SLC6A3: variants seen among roughly 807,000 people sequenced by gnomAD.
SLC6A3 encodes the protein solute carrier family 6 member 3.
Under a neutral mutation model 70.4 loss-of-function variants are expected in SLC6A3, and 19 were observed. That is an observed-to-expected ratio of 0.27 (90% CI 0.19 to 0.40). The LOEUF (loss-of-function observed/expected upper bound fraction) is 0.40. Among genes scored for constraint, SLC6A3 ranks in the 10% least tolerant of loss-of-function variants. SLC6A3 has a pLI of 1.00. For missense variants in SLC6A3, 613 were observed against 838.5 expected (o/e 0.73, Z 3.32); for synonymous variants, 368 against 356.6 (o/e 1.03, Z -0.36).
At chr5:1,433,462 C>T (rs1004893876) in intron 3 of SLC6A3, among the ~76,000 whole-genome samples, 9 of 152,160 alleles carry the variant, frequency 5.9e-5, no homozygotes, top group African/African-American at 1.2e-4. Context: ...CACTTTGAGT[C>T]GCAAAGGGCC....
In SLC6A3 at chr5:1,413,968, GC is replaced by G. The variant is rs376736088; in HGVS notation, c.1156+722del. The stretch of plus-strand genomic sequence containing the variant: ...AGGCCTCCCCCCACCACTCACCTGT[GC>G]CTGCCCGAGACCTGGACCCCTCCCC... On this transcript the variant is annotated intron_variant, in intron 8 of 14. Transcript: ENST00000270349. The surrounding 1 kb of genome is among the most constrained non-coding windows in gnomAD (Gnocchi z 7.1). 1.7e-3 allele frequency among the ~76,000 whole-genome samples: 262 copies of G among 152,256 alleles called. 12 individuals carry two copies. The South Asian group carries it at 0.052, about 30-fold the overall frequency.
At chr5:1,423,871 C>T (rs374315175) in intron 4 of SLC6A3, among the ~76,000 whole-genome samples, 124 of 152,358 alleles carry the variant, frequency 8.1e-4, no homozygotes, top group Middle Eastern at 3.4e-3. Context: ...GGAGCTCCCA[C>T]TGCCCAGGTT....
chr5:1,418,900 A>C (rs571394184), intron 6 of SLC6A3, among the ~76,000 whole-genome samples: 1 of 148,118 alleles, frequency 6.8e-6, no homozygotes, highest in African/African-American at 2.5e-5. Flanking sequence ...CCTACCTATC[A>C]TTCATCCACC....
intron 3 of SLC6A3, among the ~76,000 whole-genome samples, chr5:1,434,773 G>A (rs921499401): frequency 6.6e-6 from 1 of 152,204 alleles, no homozygotes; most frequent in Admixed American, 6.5e-5. Flanking sequence ...TTTGCAGGGG[G>A]TGGCCTGGGT....
At chr5:1,409,460 G>T (rs1448738119) in intron 10 of SLC6A3, among the ~76,000 whole-genome samples, 1 of 152,086 alleles carries the variant, frequency 6.6e-6, no homozygotes, top group Non-Finnish European at 1.5e-5. Flanking sequence ...GCGTCCCCCA[G>T]TCCCCAAACC....
At chr5:1,412,177 G>C (rs190471243) in intron 8 of SLC6A3, among the ~76,000 whole-genome samples, 20 of 152,380 alleles carry the variant, frequency 1.3e-4, no homozygotes, top group Admixed American at 1.2e-3. Context: ...GAGGTTAGAC[G>C]TGGCTGCACT....
In SLC6A3 at chr5:1,409,118, A is replaced by T; in HGVS notation, c.1406T>A (p.Ile469Asn). Reference protein sequence around the residue: ...LSLFCVTNGGIYVFTLLDHFA... With the variant: ...LSLFCVTNGGNYVFTLLDHFA... The stretch of plus-strand genomic sequence containing the variant: ...ATGGTCCAGGAGCGTGAAGACGTAG[A>T]TGCCACCCTGGAAGAGAGGGGAGCC... The change falls in exon 11 of 15, where the codon ATC becomes AAC. Residue 469 changes from isoleucine (I) to asparagine (N), a missense_variant. Physicochemically the swap from Ile to Asn is moderately radical, Grantham distance 149. Coordinates refer to ENST00000270349, the MANE Select transcript of SLC6A3 (RefSeq NM_001044.5). The T allele has an allele frequency of 1.2e-6, 2 of 1,609,536 alleles. No homozygotes were observed. Among genetic ancestry groups the T allele is most frequent in the Non-Finnish European group, 1.7e-6 (2 of 1,177,982 alleles).
chr5:1,411,174 G>A lies in SLC6A3; in HGVS notation c.1269+69C>T. ...CCAGGGATCTTGCCTAGCCCTGGGAGGGCAGGGCCCCCTCGGGTGGAAGGA... is the reference window on the plus strand; with the variant it reads ...CCAGGGATCTTGCCTAGCCCTGGGAAGGCAGGGCCCCCTCGGGTGGAAGGA... On this transcript the variant is annotated intron_variant, in intron 9 of 14. Coordinates refer to ENST00000270349, the MANE Select transcript of SLC6A3 (RefSeq NM_001044.5). The surrounding 1 kb of genome is among the most constrained non-coding windows in gnomAD (Gnocchi z 6.5). 9.1e-7 allele frequency: 1 copy of A among 1,101,014 alleles called. No individual in the cohort carries two copies. The highest frequency in any genetic ancestry group is 1.4e-6 in the Non-Finnish European group (1 of 739,748). The allele number at this position is 1,101,014 out of a possible 1,614,324, so 68.2% of individuals were successfully genotyped here.
intron 4 of SLC6A3, among the ~76,000 whole-genome samples, chr5:1,424,698 C>T (rs556316417): frequency 6.6e-6 from 1 of 152,376 alleles, no homozygotes; most frequent in South Asian, 2.1e-4. Flanking sequence ...AGGGCCTTCT[C>T]ACAAGGTTGC....
rs968142387 is a variant in SLC6A3 at position 1,404,651 on chromosome 5, C to T, written c.1599+1537G>A. Among the ~76,000 whole-genome samples, 3 of 152,224 alleles carry T rather than the reference C, an allele frequency of 2.0e-5. No homozygotes were observed. The highest frequency in any genetic ancestry group is 6.5e-5 in the Admixed American group (1 of 15,280). ...ACACGCCAGAGGGCAGGGGACTATG[C>T]CGCAGCCTGAAGAAACAGATGATAA... is the stretch of plus-strand genomic sequence containing the variant. On this transcript the variant is annotated intron_variant, in intron 12 of 14. Transcript: ENST00000270349. The surrounding 1 kb of genome is among the most constrained non-coding windows in gnomAD (Gnocchi z 5.2).
In SLC6A3 at chr5:1,437,684, G is replaced by A. The variant is rs979779386; in HGVS notation, c.418+3675C>T. On this transcript the variant is annotated intron_variant, in intron 3 of 14. Transcript: ENST00000270349. The surrounding 1 kb of genome is among the most constrained non-coding windows in gnomAD (Gnocchi z 4.8). ...GAACTCCGCCCTCTGGCTTTCAAGG[G>A]TGGATCTTGGCTCCCAGTTAGGAGC... 6.6e-6 allele frequency among the ~76,000 whole-genome samples: 1 copy of A among 152,232 alleles called. No individual in the cohort carries two copies. The highest frequency in any genetic ancestry group is 2.1e-4 in the South Asian group (1 of 4,834).
Position 1,394,413 on chromosome 5 carries a change from C to T in SLC6A3, c.*322G>A. 1 of 491,876 alleles carries T rather than the reference C, an allele frequency of 2.0e-6. No homozygotes were observed. Among genetic ancestry groups the T allele is most frequent in the Non-Finnish European group, 3.7e-6 (1 of 269,156 alleles). The allele number at this position is 491,876 out of a possible 1,614,324, so 30.5% of individuals were successfully genotyped here. On this transcript the variant is annotated 3_prime_UTR_variant, in exon 15 of 15. Coordinates refer to ENST00000270349, the MANE Select transcript of SLC6A3 (RefSeq NM_001044.5). This position sits in a 1 kb window ranked among gnomAD's most constrained non-coding sequence, Gnocchi z 4.7. ...CCTGGGGCAGCCTCAGAGCCGGGAG[C>T]AGGGAGCAGGGAGGGAGGGAGCCTC...
chr5:1,400,882 C>T, intron 14 of SLC6A3, 33 bp downstream of exon 14: 1 of 1,515,334 alleles, frequency 6.6e-7, no homozygotes, highest in Non-Finnish European at 9.0e-7. Flanking sequence ...CTGAATTCCC[C>T]CGAGAGAGGC....
At position 1,432,472 on chromosome 5, in the gene SLC6A3, C is replaced by T. The variant is rs748094067; in HGVS notation, c.645G>A (p.Glu215=). 3 of 1,613,562 alleles carry T rather than the reference C, an allele frequency of 1.9e-6. No homozygotes were observed. The highest frequency in any genetic ancestry group is 2.5e-6 in the Non-Finnish European group (3 of 1,179,434). ...ACCCGACTCCCACTTACTCAAAGTA[C>T]TCGGCAGCAGGTGTGGTCCCAAAAG... ...NDTFGTTPAA[E]YFERGVLHLH... The change falls in exon 4 of 15, where the codon GAG becomes GAA. Residue 215 remains glutamate (E), a synonymous_variant. Transcript: ENST00000270349.
chr5:1,404,044 T>C lies in SLC6A3; in HGVS notation c.1600-955A>G, dbSNP rs1210547798. 6.6e-6 allele frequency among the ~76,000 whole-genome samples: 1 copy of C among 152,280 alleles called. No homozygotes were observed. Among genetic ancestry groups the C allele is most frequent in the Admixed American group, 6.5e-5 (1 of 15,292 alleles). On this transcript the variant is annotated intron_variant, in intron 12 of 14. Transcript: ENST00000270349. This position sits in a 1 kb window ranked among gnomAD's most constrained non-coding sequence, Gnocchi z 5.2. ...AAGCTCTGATAGATATGGTTTATGA[T>C]GTAGCTTAAAATGCAATTTTTTCCC...
intron 14 of SLC6A3, among the ~76,000 whole-genome samples, chr5:1,398,231 G>T (rs959700638): frequency 2.6e-5 from 4 of 151,882 alleles, no homozygotes; most frequent in African/African-American, 7.3e-5. Flanking sequence ...TGTGGTGCTG[G>T]GCACCTGTAA....
intron 6 of SLC6A3, among the ~76,000 whole-genome samples, 163 bp downstream of exon 6, chr5:1,420,406 A>T (rs918447628): frequency 2.6e-5 from 4 of 152,206 alleles, no homozygotes; most frequent in Non-Finnish European, 5.9e-5. Context: ...TTTGATTTAG[A>T]TGACTCGTGC....
At chr5:1,435,259 C>T (rs1756802057) in intron 3 of SLC6A3, among the ~76,000 whole-genome samples, 1 of 152,242 alleles carries the variant, frequency 6.6e-6, no homozygotes, top group Admixed American at 6.5e-5. Context: ...GGGAGCCACA[C>T]TGTCGGTGAG....
In SLC6A3 at chr5:1,403,064, G is replaced by T. The variant is rs1755889588; in HGVS notation, c.1625C>A (p.Thr542Asn). ...LLFVVVVSIVTFRPPHYGAYI... is the reference protein window; with the variant it reads ...LLFVVVVSIVNFRPPHYGAYI... The stretch of plus-strand genomic sequence containing the variant: ...GGCTCCGTAGTGGGGGGGTCTGAAG[G>T]TCACAATGCTGACCACGACCACGAA... Residue 542 changes from threonine to asparagine, a missense_variant, in exon 13 of 15, where the codon ACC (threonine) becomes AAC (asparagine). Physicochemically the swap from Thr to Asn is moderately conservative, Grantham distance 65. This residue lies in a region of SLC6A3 where 348 missense variants were observed against 481.2 expected (regional missense o/e 0.72). Coordinates refer to ENST00000270349, the MANE Select transcript of SLC6A3 (RefSeq NM_001044.5). 1 of 1,613,796 alleles carries T rather than the reference G, an allele frequency of 6.2e-7. No individual in the cohort carries two copies. Among genetic ancestry groups the T allele is most frequent in the African/African-American group, 1.3e-5 (1 of 75,048 alleles).
Sources: gnomAD v4.1 joint callset for allele counts (sites outside exome capture counted in the v4.1 genomes callset) on GRCh38, gnomAD v4.1.1 for gene constraint, gnomAD v4.1.1 regional missense constraint, Gnocchi (gnomAD v3.1) non-coding constraint, MANE v1.5 for transcripts, NCBI Gene and HGNC (gene_info 2026-07-23, HGNC 2026-07-21) for gene names.